TRPM3: variants seen among roughly 807,000 people sequenced by gnomAD.
TRPM3 encodes long transient receptor potential channel 3.
TRPM3 carries 77 observed loss-of-function variants against 181.2 expected under a neutral mutation model. The ratio of observed to expected loss-of-function variants is 0.42; its 90% CI spans 0.35 to 0.51. TRPM3 has a LOEUF of 0.51. TRPM3 is among the 20% of genes least tolerant of loss of function. The pLI is 0.01. For synonymous variants in TRPM3, 745 were observed against 796.4 expected, an observed-to-expected ratio of 0.94 and a Z score of 1.09; for missense variants, 1,759 against 2,196.7, an observed-to-expected ratio of 0.80 and a Z score of 3.98.
chr9:70,972,586 A>G (rs2097258310), intron 1 of TRPM3, among the ~76,000 whole-genome samples: 1 of 152,206 alleles, frequency 6.6e-6, no homozygotes, highest in Admixed American at 6.5e-5. Context: ...ACTAAAATCC[A>G]CTAAATTATA....
intron 1 of TRPM3, among the ~76,000 whole-genome samples, chr9:71,428,948 GAAAAAAA>G (rs34737844): frequency 7.4e-5 from 9 of 121,976 alleles, no homozygotes; most frequent in East Asian, 2.3e-4. Flanking sequence ...TGTTTCAAAG[GAAAAAAA>G]AAAAAAAAAA....
chr9:71,394,978 G>A (rs1234704524), intron 1 of TRPM3, among the ~76,000 whole-genome samples: 2 of 152,112 alleles, frequency 1.3e-5, no homozygotes, highest in South Asian at 2.1e-4. Flanking sequence ...GGACCTATGC[G>A]GGGTGTTTTG....
At chr9:70,994,061 G>A (rs1200779500) in intron 1 of TRPM3, among the ~76,000 whole-genome samples, 1 of 152,156 alleles carries the variant, frequency 6.6e-6, no homozygotes, top group Non-Finnish European at 1.5e-5. Flanking sequence ...TCACCCACAA[G>A]CACTGGGAGA....
intron 22 of TRPM3, among the ~76,000 whole-genome samples, chr9:70,565,594 A>G (rs554473286): frequency 6.8e-6 from 1 of 146,570 alleles, no homozygotes; most frequent in South Asian, 2.4e-4. Context: ...TGCCCAGCCT[A>G]GATTTATCTG....
At chr9:71,057,549 C>A (rs752589034) in intron 1 of TRPM3, among the ~76,000 whole-genome samples, 2 of 152,014 alleles carry the variant, frequency 1.3e-5, no homozygotes, top group Non-Finnish European at 2.9e-5. Flanking sequence ...GCAATGATTG[C>A]TATTTAAAGA....
chr9:70,536,758 G>A lies in TRPM3; in HGVS notation c.4355C>T (p.Pro1452Leu), dbSNP rs758010583. Residue 1452 changes from proline (P) to leucine (L), a missense_variant, in exon 26 of 26, where the codon CCT (proline) becomes CTT (leucine). This residue lies in a region of TRPM3 where 612 missense variants were observed against 590.0 expected (regional missense o/e 1.04). Coordinates refer to ENST00000677713, the MANE Select transcript of TRPM3 (RefSeq NM_001366145.2). ...SFSTPVPSTA[P>L]SSSAYATLAP... The stretch of plus-strand genomic sequence containing the variant: ...AAGTGTTGCATAGGCACTACTTGAA[G>A]GGGCTGTGGAAGGTACTGGAGTTGA... 6.2e-7 allele frequency: 1 copy of A among 1,614,208 alleles called. No homozygotes were observed. Among genetic ancestry groups the A allele is most frequent in the East Asian group, 2.2e-5 (1 of 44,860 alleles).
In TRPM3 at chr9:70,681,588, G is replaced by T. The variant is rs1416597408; in HGVS notation, c.1273-10C>A. ...TCCGAAATACCGTAATCTGCAATTTGAGACAAGGTGATCATTAGCAAAGCA... is the reference window on the plus strand; with the variant it reads ...TCCGAAATACCGTAATCTGCAATTTTAGACAAGGTGATCATTAGCAAAGCA... On this transcript the variant is annotated splice_polypyrimidine_tract_variant and intron_variant, in intron 8 of 25. Coordinates refer to ENST00000677713, the MANE Select transcript of TRPM3 (RefSeq NM_001366145.2). 2.5e-6 allele frequency: 4 copies of T among 1,613,020 alleles called. No homozygotes were observed. The Admixed American group carries it at 5.0e-5, about 20-fold the overall frequency.
Position 71,091,347 on chromosome 9 carries a change from C to T in TRPM3, c.177+29831G>A, listed in dbSNP as rs115111208. Among the ~76,000 whole-genome samples, 1,376 of 152,198 alleles carry T rather than the reference C, an allele frequency of 9.0e-3. 21 individuals are homozygous for T. Among genetic ancestry groups the T allele is most frequent in the African/African-American group, 0.03 (1,234 of 41,544 alleles). ...AAACGAAACCCAAACTTTTAAAGAA[C>T]CACCCTTCTCTCAGTCTTAGTCATT... On this transcript the variant is annotated intron_variant, in intron 1 of 25. Transcript: ENST00000677713.
intron 22 of TRPM3, among the ~76,000 whole-genome samples, chr9:70,554,501 T>C (rs568272700): frequency 1.3e-5 from 2 of 152,318 alleles, no homozygotes; most frequent in Admixed American, 1.3e-4. Flanking sequence ...GTTGCTAGGC[T>C]GCACATTCTA....
At chr9:70,607,058 A>C (rs11142506) in intron 19 of TRPM3, among the ~76,000 whole-genome samples, 145,490 of 152,172 alleles carry the variant, frequency 0.96, 69,877 homozygotes, top group East Asian at 1. Flanking sequence ...TCCTCTCCAG[A>C]TGGATACCTG....
chr9:71,159,781 A>C (rs1224342769), intron 1 of TRPM3, among the ~76,000 whole-genome samples: 1 of 152,156 alleles, frequency 6.6e-6, no homozygotes, highest in Admixed American at 6.6e-5. Flanking sequence ...TCAGAGATTT[A>C]TGAGGTTGAA....
intron 22 of TRPM3, among the ~76,000 whole-genome samples, chr9:70,558,159 C>T (rs370535062): frequency 2.2e-4 from 34 of 152,188 alleles, no homozygotes; most frequent in Non-Finnish European, 3.4e-4. Context: ...CACAATACAA[C>T]GTAAGGCTAC....
chr9:71,125,622 G>A (rs2073984873), upstream of TRPM3, among the ~76,000 whole-genome samples: 1 of 152,088 alleles, frequency 6.6e-6, no homozygotes, highest in African/African-American at 2.4e-5. Flanking sequence ...TTGATTCCAT[G>A]TCTTTGCTAT....
chr9:71,191,878 A>G (rs369437773), intron 1 of TRPM3, among the ~76,000 whole-genome samples: 1 of 151,562 alleles, frequency 6.6e-6, no homozygotes, highest in Non-Finnish European at 1.5e-5. Flanking sequence ...GGGTGATGTC[A>G]TATCTGTAAG....
At chr9:71,350,849 T>C (rs1046870712) in intron 1 of TRPM3, among the ~76,000 whole-genome samples, 5 of 152,186 alleles carry the variant, frequency 3.3e-5, no homozygotes, top group African/African-American at 1.2e-4. Flanking sequence ...AGTGAGAACA[T>C]TTGAAAGATC....
chr9:70,832,749 T>C (rs868089763), intron 5 of TRPM3, among the ~76,000 whole-genome samples: 5 of 152,164 alleles, frequency 3.3e-5, no homozygotes, highest in African/African-American at 1.2e-4. Flanking sequence ...AGAAAACTGC[T>C]TGAGTTTTCC....
intron 25 of TRPM3, among the ~76,000 whole-genome samples, chr9:70,548,241 C>G (rs1047057151): frequency 6.6e-6 from 1 of 152,168 alleles, no homozygotes; most frequent in Non-Finnish European, 1.5e-5. Context: ...GTTTCTTCTT[C>G]TGTTTGCCAG....
intron 1 of TRPM3, among the ~76,000 whole-genome samples, chr9:70,889,738 T>C (rs1404972037): frequency 1.3e-5 from 2 of 152,098 alleles, no homozygotes; most frequent in South Asian, 2.1e-4. Context: ...TAGGTTTAAG[T>C]AATAGAAAAG....
chr9:70,746,691 T>TA (rs1055507835), intron 8 of TRPM3, among the ~76,000 whole-genome samples: 6 of 151,176 alleles, frequency 4.0e-5, no homozygotes, highest in African/African-American at 1.2e-4. Flanking sequence ...CACATTGGGG[T>TA]AAAAAAAAAT....
Sources: gnomAD v4.1 joint callset for allele counts (sites outside exome capture counted in the v4.1 genomes callset) on GRCh38, gnomAD v4.1.1 for gene constraint, gnomAD v4.1.1 regional missense constraint, MANE v1.5 for transcripts, NCBI Gene and HGNC (gene_info 2026-07-23, HGNC 2026-07-21) for gene names.